MED6: variants seen among roughly 807,000 people sequenced by gnomAD.
MED6 encodes the protein mediator of RNA polymerase II transcription subunit 6.
In MED6, 33 loss-of-function variants were observed where a neutral mutation model predicts 37.5. The ratio of observed to expected loss-of-function variants is 0.88; its 90% CI spans 0.67 to 1.18. MED6 has a LOEUF of 1.18. MED6 is among the 50% of genes most tolerant of loss of function. The pLI is 0.00. For missense variants in MED6, 235 were observed against 290.6 expected, an observed-to-expected ratio of 0.81 and a Z score of 1.39; for synonymous variants, 94 against 93.6, an observed-to-expected ratio of 1.00 and a Z score of -0.02.
At chr14:70,589,885 G>A (rs1179811631) in intron 6 of MED6, among the ~76,000 whole-genome samples, 3 of 152,004 alleles carry the variant, frequency 2.0e-5, no homozygotes, top group South Asian at 2.1e-4. Flanking sequence ...TTCTATTACC[G>A]TTTTCTAGAT....
chr14:70,592,842 CAA>C, intron 5 of MED6, 36 bp downstream of exon 5: 2 of 1,604,454 alleles, frequency 1.2e-6, no homozygotes, highest in East Asian at 2.2e-5. Flanking sequence ...CTCAGAGGAT[CAA>C]AAAGTGTTTT....
intron 2 of MED6, 112 bp from the exon 3 acceptor site, chr14:70,596,814 T>G (rs767860862): frequency 5.9e-5 from 43 of 725,982 alleles, no homozygotes; most frequent in Non-Finnish European, 9.3e-5. Context: ...GGATTAAAAC[T>G]GCCTATGTTT....
intron 7 of MED6, 109 bp from the exon 8 acceptor site, chr14:70,585,052 T>C (rs1445932959): frequency 2.4e-6 from 3 of 1,271,774 alleles, no homozygotes; most frequent in African/African-American, 3.0e-5. Context: ...ACTGCTTATC[T>C]CAAGTTCTAG....
At chr14:70,593,645 T>G (rs1445556095) in intron 3 of MED6, among the ~76,000 whole-genome samples, 2 of 152,216 alleles carry the variant, frequency 1.3e-5, no homozygotes, top group Non-Finnish European at 2.9e-5. Flanking sequence ...AGAAAAAGTA[T>G]GCCCACTGTT....
chr14:70,591,418 AC>A, intron 5 of MED6, 37 bp from the exon 6 acceptor site: 3 of 1,507,958 alleles, frequency 2.0e-6, no homozygotes, highest in Non-Finnish European at 2.7e-6. Context: ...AACATTGCCT[AC>A]TTAGTTTGGT....
Position 70,585,797 on chromosome 14 carries a change from GA to G in MED6, c.583-15del. The G allele has an allele frequency of 1.9e-6, 3 of 1,596,416 alleles. No individual in the cohort carries two copies. The highest frequency in any genetic ancestry group is 3.5e-5 in the Admixed American group (2 of 56,556). On this transcript the variant is annotated splice_polypyrimidine_tract_variant and intron_variant, in intron 6 of 7. Transcript: ENST00000256379. ...TCCAGGCTTTAGCTATAATTTTTTA[GA>G]AAAAAGGGAGGGAGAGGAAGAGGAA...
rs78348229 is a variant in MED6, at chr14:70,583,844, C to G, written c.*969G>C. ...CAGCAAGCACACTCAGCCCCCTTGCCATGAGATACCCTGTGCTGCCTAGGG... is the reference window on the plus strand; with the variant it reads ...CAGCAAGCACACTCAGCCCCCTTGCGATGAGATACCCTGTGCTGCCTAGGG... On this transcript the variant is annotated 3_prime_UTR_variant, in exon 8 of 8. Transcript: ENST00000256379. 2,289 of 361,598 alleles carry G rather than the reference C, an allele frequency of 6.3e-3. 16 individuals carry two copies. Among genetic ancestry groups the G allele is most frequent in the South Asian group, 0.033 (231 of 6,964 alleles). 22.4% of individuals were successfully genotyped at this position (361,598 alleles called of 1,614,324 possible). A position where few individuals can be genotyped will look rare whatever the true frequency, so the allele number is the denominator to read the frequency against.
rs1884633420 is a variant in MED6 at position 70,584,217 on chromosome 14, A to T, written c.*596T>A. The stretch of plus-strand genomic sequence containing the variant: ...CTGAAAAATATCAGTTATGATGAAG[A>T]AAAAAGTCATGATGAAGCAATATAT... On this transcript the variant is annotated 3_prime_UTR_variant, in exon 8 of 8. Coordinates refer to ENST00000256379, the MANE Select transcript of MED6 (RefSeq NM_005466.4). The T allele has an allele frequency of 1.3e-6, 1 of 743,580 alleles. No homozygotes were observed. Among genetic ancestry groups the T allele is most frequent in the African/African-American group, 1.7e-5 (1 of 57,348 alleles). 46.1% of individuals were successfully genotyped at this position (743,580 alleles called of 1,614,324 possible).
At chr14:70,586,828 C>A (rs1190288824) in intron 6 of MED6, among the ~76,000 whole-genome samples, 1 of 152,184 alleles carries the variant, frequency 6.6e-6, no homozygotes, top group African/African-American at 2.4e-5. Context: ...ACATTATTAT[C>A]CACTGTGCAA....
intron 2 of MED6, 109 bp downstream of exon 2, chr14:70,597,509 G>A: frequency 2.0e-6 from 2 of 1,015,390 alleles, no homozygotes; most frequent in Non-Finnish European, 2.6e-6. Context: ...CAAAACTCCA[G>A]TTTTTCTTCT....
intron 1 of MED6, among the ~76,000 whole-genome samples, chr14:70,599,824 A>G (rs1885152000): frequency 6.6e-6 from 1 of 152,192 alleles, no homozygotes; most frequent in South Asian, 2.1e-4. Context: ...ATAAATAATG[A>G]AAGACACGTA....
At chr14:70,593,254 TA>T (rs747813101) in intron 4 of MED6, 41 bp downstream of exon 4, 97 of 1,539,420 alleles carry the variant, frequency 6.3e-5, no homozygotes, top group Non-Finnish European at 8.4e-5. Context: ...GGTAGCTAAT[TA>T]AAAGTTTTCT....
chr14:70,585,710 G>A (rs372380711), intron 7 of MED6, 46 bp downstream of exon 7: 7 of 1,531,564 alleles, frequency 4.6e-6, no homozygotes, highest in Non-Finnish European at 6.2e-6. Context: ...TTTACAAGCT[G>A]TTTGACCTTA....
chr14:70,593,026 G>T, intron 4 of MED6, 38 bp from the exon 5 acceptor site: 1 of 1,610,006 alleles, frequency 6.2e-7, no homozygotes, highest in Non-Finnish European at 8.5e-7. Flanking sequence ...TTATCATTAG[G>T]TCGACCAAAC....
At position 70,591,263 on chromosome 14, in the gene MED6, T is replaced by G; in HGVS notation, c.582+3A>C. The G allele has an allele frequency of 6.2e-7, 1 of 1,604,366 alleles. No individual in the cohort carries two copies. Among genetic ancestry groups the G allele is most frequent in the Non-Finnish European group, 8.5e-7 (1 of 1,172,374 alleles). On this transcript the variant is annotated splice_donor_region_variant and intron_variant, in intron 6 of 7. Coordinates refer to ENST00000256379, the MANE Select transcript of MED6 (RefSeq NM_005466.4). The stretch of plus-strand genomic sequence containing the variant: ...CAAGATTAACCACACATATTCTCAT[T>G]ACCTGCACAAATTTGGGTGGAAATT...
chr14:70,584,957 G>C lies in MED6; in HGVS notation c.611-14C>G. 1.2e-6 allele frequency: 2 copies of C among 1,610,400 alleles called. No individual in the cohort carries two copies. Among genetic ancestry groups the C allele is most frequent in the Non-Finnish European group, 1.7e-6 (2 of 1,178,926 alleles). ...TTGTTTGATCCACTAGATATCAAAA[G>C]TAGATTTTTTGGGAGGGAGATATGG... is the stretch of plus-strand genomic sequence containing the variant. On this transcript the variant is annotated splice_polypyrimidine_tract_variant and intron_variant, in intron 7 of 7. Coordinates refer to ENST00000256379, the MANE Select transcript of MED6 (RefSeq NM_005466.4).
intron 3 of MED6, 38 bp from the exon 4 acceptor site, chr14:70,593,416 T>G (rs1299816552): frequency 6.9e-7 from 1 of 1,442,682 alleles, no homozygotes; most frequent in Non-Finnish European, 9.7e-7. Flanking sequence ...AATACAGCTA[T>G]GGACACAAAC....
intron 3 of MED6, chr14:70,595,449 T>C (rs1290337349): frequency 1.2e-5 from 7 of 601,654 alleles, no homozygotes; most frequent in Admixed American, 2.2e-5. Flanking sequence ...TACGGTCCAG[T>C]CCTTGGAGAC....
rs371323539 is a variant in MED6 at position 70,593,438 on chromosome 14, T to G, written c.275-60A>C. On this transcript the variant is annotated intron_variant, in intron 3 of 7. Coordinates refer to ENST00000256379, the MANE Select transcript of MED6 (RefSeq NM_005466.4). ...CTATGGACACAAACTGCTAAACAGA[T>G]TCTCATAAAAAGAAATAAAATCTGA... is the stretch of plus-strand genomic sequence containing the variant. 8.8e-5 allele frequency: 111 copies of G among 1,262,094 alleles called. No individual in the cohort carries two copies. The East Asian group carries it at 2.3e-3, about 26-fold the overall frequency. 78.2% of individuals were successfully genotyped at this position (1,262,094 alleles called of 1,614,324 possible).
Sources: allele counts gnomAD v4.1 joint callset (sites outside exome capture counted in the v4.1 genomes callset), GRCh38; gene constraint gnomAD v4.1.1; transcripts MANE v1.5; gene names NCBI Gene and HGNC (gene_info 2026-07-23, HGNC 2026-07-21).